AKT3: variants seen among roughly 807,000 people sequenced by gnomAD.
The protein encoded by AKT3 is RAC-gamma serine/threonine-protein kinase.
AKT3 carries 15 observed loss-of-function variants against 65.3 expected under a neutral mutation model. The ratio of observed to expected loss-of-function variants is 0.23; its 90% CI spans 0.15 to 0.35. The LOEUF (loss-of-function observed/expected upper bound fraction) is 0.35, where lower values mean the gene tolerates loss of function less well. Among genes scored for constraint, AKT3 ranks in the 10% least tolerant of loss-of-function variants. AKT3 has a pLI of 1.00. For synonymous variants in AKT3, 206 were observed against 183.8 expected, an observed-to-expected ratio of 1.12 and a Z score of -0.98; for missense variants, 243 against 576.5, an observed-to-expected ratio of 0.42 and a Z score of 5.92.
At chr1:243,809,119 T>A (rs1324657151) in intron 2 of AKT3, among the ~76,000 whole-genome samples, 1 of 152,074 alleles carries the variant, frequency 6.6e-6, no homozygotes, top group South Asian at 2.1e-4. Context: ...AGAAACTGTA[T>A]CAACTAACGA....
rs147924940 is a variant in AKT3, at chr1:243,491,718, G to A, written c.*7-3268C>T. Among the ~76,000 whole-genome samples, 76 of 152,262 alleles carry A rather than the reference G, an allele frequency of 5.0e-4. 2 individuals are homozygous for A. The highest frequency in any genetic ancestry group is 1.7e-3 in the African/African-American group (70 of 41,566). ...ATGTGGGCGAGGCTGCTGTAGGTTC[G>A]AGCAGGTATTTTGGATGCGGTGCCG... On this transcript the variant is annotated intron_variant, in intron 13 of 13. Transcript: ENST00000336199.
At chr1:243,826,073 A>G (rs1694147833) in intron 2 of AKT3, among the ~76,000 whole-genome samples, 1 of 152,066 alleles carries the variant, frequency 6.6e-6, no homozygotes, top group Non-Finnish European at 1.5e-5. Flanking sequence ...CAAAGGTTAC[A>G]CTGAGCCAAG....
At chr1:243,838,984 T>C (rs1260505773) in intron 2 of AKT3, among the ~76,000 whole-genome samples, 1 of 152,146 alleles carries the variant, frequency 6.6e-6, no homozygotes, top group Non-Finnish European at 1.5e-5. Flanking sequence ...CCTCTTAGAT[T>C]TATGACAATC....
At chr1:243,567,121 A>G (rs1387241764) in intron 9 of AKT3, among the ~76,000 whole-genome samples, 1 of 152,014 alleles carries the variant, frequency 6.6e-6, no homozygotes, top group Non-Finnish European at 1.5e-5. Flanking sequence ...CTCTACCAAT[A>G]ATACAAAAGA....
chr1:243,494,949 CATG>C (rs1345749562), downstream of AKT3, among the ~76,000 whole-genome samples: 1 of 152,228 alleles, frequency 6.6e-6, no homozygotes, highest in African/African-American at 2.4e-5. Context: ...CACTTTCAAA[CATG>C]AGGCAGCCAG....
intron 2 of AKT3, among the ~76,000 whole-genome samples, chr1:243,764,920 A>C (rs1428428136): frequency 2.0e-5 from 3 of 152,160 alleles, no homozygotes; most frequent in Non-Finnish European, 4.4e-5. Flanking sequence ...CCTTTTAATT[A>C]CTATTAATCA....
chr1:243,648,932 T>C (rs1681055680), intron 4 of AKT3, among the ~76,000 whole-genome samples: 1 of 152,038 alleles, frequency 6.6e-6, no homozygotes, highest in Non-Finnish European at 1.5e-5. Context: ...CTGATTGCTG[T>C]TGTTTCTGTT....
At chr1:243,802,298 AC>A (rs1356514947) in intron 2 of AKT3, among the ~76,000 whole-genome samples, 2 of 152,186 alleles carry the variant, frequency 1.3e-5, no homozygotes, top group African/African-American at 4.8e-5. Context: ...TGACCCCTCT[AC>A]GCTACATGAC....
chr1:243,548,393 C>T (rs1672822763), intron 11 of AKT3: 1 of 152,060 alleles, frequency 6.6e-6, no homozygotes, highest in African/African-American at 2.4e-5. Flanking sequence ...TTGAACATAG[C>T]CAGCATTTAT....
At chr1:243,556,187 T>C (rs149088662) in intron 10 of AKT3, among the ~76,000 whole-genome samples, 2 of 152,170 alleles carry the variant, frequency 1.3e-5, no homozygotes, top group African/African-American at 4.8e-5. Context: ...AGATACAAAT[T>C]AACATTAAAT....
intron 2 of AKT3, among the ~76,000 whole-genome samples, chr1:243,710,104 T>C (rs1223652367): frequency 6.6e-6 from 1 of 152,170 alleles, no homozygotes; most frequent in Admixed American, 6.5e-5. Flanking sequence ...TTTTTAAAAA[T>C]TGCTATTCAT....
intron 6 of AKT3, among the ~76,000 whole-genome samples, chr1:243,616,947 T>G (rs142293867): frequency 3.5e-4 from 53 of 152,268 alleles, no homozygotes; most frequent in African/African-American, 1.1e-3. Flanking sequence ...CTAAGTTAAT[T>G]AGAATAGCAA....
chr1:243,507,144 C>T (rs1389906460), intron 13 of AKT3, among the ~76,000 whole-genome samples: 1 of 152,232 alleles, frequency 6.6e-6, no homozygotes, highest in East Asian at 1.9e-4. Flanking sequence ...GGTGCTTGTC[C>T]TGCTCAGCCA....
rs1292487861 is a variant in AKT3, at chr1:243,527,920, CACACACACACACACACAGAG to C, written c.1252-15514_1252-15495del. Among the ~76,000 whole-genome samples, 83 of 91,032 alleles carry C rather than the reference CACACACACACACACACAGAG, an allele frequency of 9.1e-4. 3 individuals carry two copies. Among genetic ancestry groups the C allele is most frequent in the African/African-American group, 3.4e-3 (62 of 18,366 alleles). 59.7% of individuals were successfully genotyped at this position (91,032 alleles called of 152,430 possible). On this transcript the variant is annotated intron_variant, in intron 12 of 13. Coordinates refer to ENST00000673466, the MANE Select transcript of AKT3 (RefSeq NM_005465.7). Reference sequence around the variant, plus strand: ...ACACACACACACACACACACACACACACACACACACACACACAGAGAGAGAGAGAGAGAGAGAGAATTTGA... The same window carrying C: ...ACACACACACACACACACACACACACAGAGAGAGAGAGAGAGAGAATTTGA...
intron 2 of AKT3, among the ~76,000 whole-genome samples, chr1:243,806,301 T>C (rs1692724022): frequency 6.6e-6 from 1 of 152,246 alleles, no homozygotes; most frequent in Admixed American, 6.5e-5. Context: ...CGTTTTATTC[T>C]TTTTGTTTCT....
intron 2 of AKT3, among the ~76,000 whole-genome samples, chr1:243,754,007 T>C (rs12031994): frequency 0.13 from 20,497 of 152,214 alleles, 1,670 homozygotes; most frequent in East Asian, 0.31. Context: ...TCTGGGTAGA[T>C]AATGAAAGCC....
intron 2 of AKT3, among the ~76,000 whole-genome samples, chr1:243,838,486 A>C (rs546813357): frequency 1.1e-4 from 17 of 152,134 alleles, no homozygotes; most frequent in Non-Finnish European, 2.2e-4. Flanking sequence ...TGAATAAAAA[A>C]TGAACAAAAA....
chr1:243,792,097 C>T (rs1470100539), intron 2 of AKT3, among the ~76,000 whole-genome samples: 1 of 152,130 alleles, frequency 6.6e-6, no homozygotes, highest in African/African-American at 2.4e-5. Context: ...GTTCTGCCAG[C>T]AGTTTTTTAA....
At chr1:243,774,030 C>T (rs1463707465) in intron 2 of AKT3, among the ~76,000 whole-genome samples, 1 of 151,902 alleles carries the variant, frequency 6.6e-6, no homozygotes, top group Non-Finnish European at 1.5e-5. Flanking sequence ...GGATGGTGAC[C>T]ATTACATGAG....
Sources: allele counts gnomAD v4.1 joint callset (sites outside exome capture counted in the v4.1 genomes callset), GRCh38; gene constraint gnomAD v4.1.1; transcripts MANE v1.5; gene names NCBI Gene and HGNC (gene_info 2026-07-23, HGNC 2026-07-21).